Variants in MED14 observed in about 807,000 individuals in gnomAD.
The protein encoded by MED14 is mediator of RNA polymerase II transcription subunit 14.
MED14 carries 8 observed loss-of-function variants against 109.0 expected under a neutral mutation model. The observed-to-expected ratio is 0.07, with a 90% CI of 0.04 to 0.13. MED14 has a LOEUF of 0.13. Ranked by LOEUF, MED14 falls within the 10% of genes least tolerant of loss-of-function variation. The probability of loss-of-function intolerance (pLI) is 1.00; values close to 1 mark genes in which losing one functional copy is unlikely to be tolerated. For missense variants in MED14, 711 were observed against 1,142.4 expected (o/e 0.62, Z 5.44); for synonymous variants, 399 against 408.7 (o/e 0.98, Z 0.29).
chrX:40,651,490 A>G lies in MED14; in HGVS notation c.*316T>C. 1.2e-6 allele frequency: 1 copy of G among 800,528 alleles called. No homozygotes were observed. The highest frequency in any genetic ancestry group is 1.5e-6 in the Non-Finnish European group (1 of 665,742). 66.0% of individuals were successfully genotyped at this position (800,528 alleles called of 1,213,427 possible). On this transcript the variant is annotated 3_prime_UTR_variant, in exon 31 of 31. Coordinates refer to ENST00000324817, the MANE Select transcript of MED14 (RefSeq NM_004229.4). ...ACTATTACACCCAAAACATAAGAAA[A>G]CAATTAAATAAACAAGTTTGGCATT...
In MED14 at chrX:40,648,552, TAAG is replaced by T. The variant is rs988608842; in HGVS notation, c.*3251_*3253del. ...CTCTGGGCCTCCATTTACTCATTTT[TAAG>T]AAGAGGATATCAATAACCTACCACA... On this transcript the variant is annotated 3_prime_UTR_variant, in exon 31 of 31. Transcript: ENST00000324817. 1 of 112,449 alleles carries T rather than the reference TAAG, an allele frequency of 8.9e-6. No homozygotes were observed. The highest frequency in any genetic ancestry group is 3.2e-5 in the African/African-American group (1 of 30,894). 9.3% of individuals were successfully genotyped at this position (112,449 alleles called of 1,213,427 possible).
intron 4 of MED14, 111 bp downstream of exon 4, chrX:40,714,426 T>C: frequency 2.3e-6 from 2 of 852,552 alleles, no homozygotes; most frequent in East Asian, 3.3e-5. Flanking sequence ...AAGCAAACTA[T>C]ATGTACTGTT....
At chrX:40,660,984 G>A (rs1929244304) in intron 26 of MED14, among the ~76,000 whole-genome samples, 1 of 112,044 alleles carries the variant, frequency 8.9e-6, no homozygotes, top group East Asian at 2.8e-4. Flanking sequence ...TCACCATCTC[G>A]GCTCACTGCA....
upstream of MED14, chrX:40,735,650 G>T (rs1039560265): frequency 4.1e-6 from 2 of 493,348 alleles, no homozygotes; most frequent in Admixed American, 2.7e-5. Flanking sequence ...GGGAAGCAGG[G>T]CGGCCCCGCA....
At chrX:40,712,016 A>G (rs1048325112) in intron 7 of MED14, among the ~76,000 whole-genome samples, 170 bp downstream of exon 7, 2 of 111,519 alleles carry the variant, frequency 1.8e-5, no homozygotes, top group African/African-American at 3.3e-5. Flanking sequence ...TATTACAAAC[A>G]TATCACTATT....
At chrX:40,691,200 C>T (rs1354725348) in intron 15 of MED14, among the ~76,000 whole-genome samples, 2 of 112,278 alleles carry the variant, frequency 1.8e-5, no homozygotes, top group Non-Finnish European at 3.8e-5. Flanking sequence ...CGTATTCTTT[C>T]AAGGCACTAA....
intron 21 of MED14, among the ~76,000 whole-genome samples, chrX:40,676,127 T>C (rs985062407): frequency 9.0e-6 from 1 of 111,026 alleles, no homozygotes; most frequent in African/African-American, 3.3e-5. Flanking sequence ...CTACAAAAAA[T>C]AGAAAAATCA....
At chrX:40,708,527 T>C (rs968179767) in intron 10 of MED14, among the ~76,000 whole-genome samples, 6 of 112,256 alleles carry the variant, frequency 5.3e-5, no homozygotes, top group Non-Finnish European at 9.4e-5. Flanking sequence ...ACTAGCACTA[T>C]TAAGACTTCC....
At chrX:40,714,933 G>C in intron 3 of MED14, 1 of 338,065 alleles carries the variant, frequency 3.0e-6, no homozygotes, top group Non-Finnish European at 5.1e-6. Flanking sequence ...TTAAGTAAAA[G>C]CTTTCTAATT....
chrX:40,689,101 G>A (rs1264971112), intron 15 of MED14, among the ~76,000 whole-genome samples: 5 of 112,467 alleles, frequency 4.4e-5, no homozygotes, highest in Non-Finnish European at 7.5e-5. Flanking sequence ...GATAGTGCCT[G>A]AAACCCTTTC....
At position 40,659,476 on chromosome X, in the gene MED14, C is replaced by T. The variant is rs377666861; in HGVS notation, c.3816G>A (p.Gln1272=). The change falls in exon 27 of 31, where the codon CAG becomes CAA. Residue 1272 remains glutamine (Q), a synonymous_variant. Transcript: ENST00000324817. ...QLKVTPENAG[Q]WKPDELQVLE... The stretch of plus-strand genomic sequence containing the variant: ...AAACTTGAAGTTCATCAGGTTTCCA[C>T]TGTCCTGCATTTTCAGGTGTCACTT... 31 of 1,210,395 alleles carry T rather than the reference C, an allele frequency of 2.6e-5. No homozygotes were observed. The African/African-American group carries it at 4.0e-4, about 16-fold the overall frequency.
chrX:40,658,728 T>TG (rs1194134101), intron 28 of MED14, among the ~76,000 whole-genome samples: 1 of 91,086 alleles, frequency 1.1e-5, no homozygotes, highest in Non-Finnish European at 2.1e-5. Context: ...CCAGGCGCGG[T>TG]GGCGTGCACC....
Position 40,651,446 on chromosome X carries a change from A to G in MED14, c.*360T>C, listed in dbSNP as rs1454578899. 2 of 767,433 alleles carry G rather than the reference A, an allele frequency of 2.6e-6. No homozygotes were observed. Among genetic ancestry groups the G allele is most frequent in the Non-Finnish European group, 1.5e-6 (1 of 647,155 alleles). 63.2% of individuals were successfully genotyped at this position (767,433 alleles called of 1,213,427 possible). ...AATGACAGACCTGCCTTAAAAAACA[A>G]AACAAAAACCAAAAAAGGACTATTA... On this transcript the variant is annotated 3_prime_UTR_variant, in exon 31 of 31. Transcript: ENST00000324817.
At chrX:40,670,664 G>C (rs1929690190) in intron 23 of MED14, among the ~76,000 whole-genome samples, 2 of 110,327 alleles carry the variant, frequency 1.8e-5, no homozygotes, top group African/African-American at 6.6e-5. Context: ...GGGAGGCTGA[G>C]GCAGGAGAAT....
intron 26 of MED14, among the ~76,000 whole-genome samples, chrX:40,662,102 G>A (rs987204992): frequency 2.7e-4 from 30 of 111,986 alleles, no homozygotes; most frequent in African/African-American, 9.4e-4. Flanking sequence ...CTGACCTCAA[G>A]AGATCTGCCC....
In MED14 at chrX:40,686,071, C is replaced by G. The variant is rs149776456; in HGVS notation, c.2057+2383G>C. 8.1e-5 allele frequency among the ~76,000 whole-genome samples: 9 copies of G among 111,553 alleles called. No homozygotes were observed. In the East Asian group the frequency reaches 2.5e-3, roughly 31 times the overall value. ...CATTTTTTTCTTCTTCACTTCTATA[C>G]CCTACCCCAATAATGGACAGCACTT... On this transcript the variant is annotated intron_variant, in intron 16 of 30. Coordinates refer to ENST00000324817, the MANE Select transcript of MED14 (RefSeq NM_004229.4).
At chrX:40,683,873 G>A (rs1327741006) in intron 16 of MED14, among the ~76,000 whole-genome samples, 1 of 111,765 alleles carries the variant, frequency 8.9e-6, no homozygotes, top group African/African-American at 3.3e-5. Flanking sequence ...GTAGTAGCTT[G>A]GTGTCTTAAA....
intron 3 of MED14, among the ~76,000 whole-genome samples, chrX:40,718,790 G>A (rs747772121): frequency 4.0e-4 from 45 of 111,430 alleles, no homozygotes; most frequent in African/African-American, 1.4e-3. Flanking sequence ...AGTGAGCTGT[G>A]ATTACACCAC....
chrX:40,679,503 T>C (rs191817612), intron 21 of MED14, among the ~76,000 whole-genome samples: 303 of 111,660 alleles, frequency 2.7e-3, no homozygotes, highest in African/African-American at 9.4e-3. Context: ...TGAGACTCTG[T>C]CTCATAAATA....
Sources: gnomAD v4.1 joint callset for allele counts (sites outside exome capture counted in the v4.1 genomes callset) on GRCh38, gnomAD v4.1.1 for gene constraint, MANE v1.5 for transcripts, NCBI Gene and HGNC (gene_info 2026-07-23, HGNC 2026-07-21) for gene names.